NEDD4L: variants seen among roughly 807,000 people sequenced by gnomAD.
NEDD4L encodes E3 ubiquitin-protein ligase NEDD4-like.
Under a neutral mutation model 148.9 loss-of-function variants are expected in NEDD4L, and 54 were observed. The observed-to-expected ratio is 0.36, with a 90% CI of 0.29 to 0.45. The LOEUF (loss-of-function observed/expected upper bound fraction) is 0.45, where lower values mean the gene tolerates loss of function less well. Among genes scored for constraint, NEDD4L ranks in the 20% least tolerant of loss-of-function variants. NEDD4L has a pLI of 1.00. For missense variants in NEDD4L, 856 were observed against 1,233.8 expected, an observed-to-expected ratio of 0.69 and a Z score of 4.59; for synonymous variants, 433 against 440.7, an observed-to-expected ratio of 0.98 and a Z score of 0.22.
intron 2 of NEDD4L, among the ~76,000 whole-genome samples, chr18:58,199,131 TACTC>T (rs2041098132): frequency 6.6e-6 from 1 of 152,362 alleles, no homozygotes; most frequent in African/African-American, 2.4e-5. Context: ...CTAAGACAAA[TACTC>T]ATTTATATAG....
chr18:58,050,716 G>A (rs188862489), intron 1 of NEDD4L, among the ~76,000 whole-genome samples: 15 of 152,122 alleles, frequency 9.9e-5, no homozygotes, highest in East Asian at 1.9e-4. Context: ...AGACAAGTTC[G>A]GGCCATTGTG....
At chr18:58,354,083 T>C (rs1199899126) in intron 18 of NEDD4L, among the ~76,000 whole-genome samples, 1 of 152,236 alleles carries the variant, frequency 6.6e-6, no homozygotes, top group African/African-American at 2.4e-5. Context: ...CTCTTTAGAC[T>C]CCTCGATTCC....
intron 1 of NEDD4L, among the ~76,000 whole-genome samples, chr18:58,058,588 A>G (rs5005280): frequency 0.81 from 122,998 of 152,206 alleles, 50,268 homozygotes; most frequent in East Asian, 1. Flanking sequence ...CAACAGAGAA[A>G]GAATTAACTG....
At chr18:58,374,113 G>A (rs1864920) in intron 24 of NEDD4L, among the ~76,000 whole-genome samples, 6,563 of 152,216 alleles carry the variant, frequency 0.043, 463 homozygotes, top group African/African-American at 0.15. Flanking sequence ...TGAAATAGAC[G>A]TGTTCTTTAT....
At chr18:58,057,777 G>T (rs2082154432) in intron 1 of NEDD4L, among the ~76,000 whole-genome samples, 1 of 152,174 alleles carries the variant, frequency 6.6e-6, no homozygotes. Context: ...GGTCTTAACA[G>T]TAAGTCCCAC....
At chr18:58,305,031 G>A (rs2056910607) in intron 5 of NEDD4L, among the ~76,000 whole-genome samples, 1 of 152,168 alleles carries the variant, frequency 6.6e-6, no homozygotes, top group African/African-American at 2.4e-5. Context: ...GAGGGCTAGG[G>A]TTCCAAACAG....
At chr18:58,168,301 G>T (rs1175794282) in intron 2 of NEDD4L, among the ~76,000 whole-genome samples, 1 of 152,184 alleles carries the variant, frequency 6.6e-6, no homozygotes, top group African/African-American at 2.4e-5. Flanking sequence ...CAAGTGTGAG[G>T]TGGCAGTGTG....
At chr18:58,254,896 C>G (rs1251142166) in intron 5 of NEDD4L, among the ~76,000 whole-genome samples, 1 of 152,184 alleles carries the variant, frequency 6.6e-6, no homozygotes, top group Non-Finnish European at 1.5e-5. Flanking sequence ...TAGCATTAAA[C>G]GGACACTAAC....
At chr18:58,294,381 ACT>A (rs1316428038) in intron 5 of NEDD4L, among the ~76,000 whole-genome samples, 2 of 151,946 alleles carry the variant, frequency 1.3e-5, no homozygotes, top group Non-Finnish European at 2.9e-5. Flanking sequence ...TGATGGGGAG[ACT>A]CTCACTGAAT....
At chr18:58,279,251 C>CAGTCT (rs1469206175) in intron 5 of NEDD4L, among the ~76,000 whole-genome samples, 4 of 152,108 alleles carry the variant, frequency 2.6e-5, no homozygotes, top group Non-Finnish European at 4.4e-5. Flanking sequence ...ACAGAGCTTC[C>CAGTCT]AGTCTAGTGA....
At chr18:58,326,560 G>C (rs2059329317) in intron 9 of NEDD4L, among the ~76,000 whole-genome samples, 1 of 152,166 alleles carries the variant, frequency 6.6e-6, no homozygotes, top group South Asian at 2.1e-4. Context: ...CCTTGGGCTT[G>C]GTTACATGTA....
chr18:58,258,249 G>A (rs2048863832), intron 5 of NEDD4L, among the ~76,000 whole-genome samples: 1 of 152,108 alleles, frequency 6.6e-6, no homozygotes. Context: ...TGATATTATA[G>A]TAGCCTTTAA....
rs558549410 is a variant in NEDD4L, at chr18:58,071,564, A to G, written c.48+26856A>G. ...TGAACAAAGCCTTAGAGACCTGTGT[A>G]ACATCATCAACCATACCCATAATGG... On this transcript the variant is annotated intron_variant, in intron 1 of 30. Transcript: ENST00000400345. Among the ~76,000 whole-genome samples, 8 of 152,334 alleles carry G rather than the reference A, an allele frequency of 5.3e-5. No homozygotes were observed. In the East Asian group the frequency reaches 1.5e-3, roughly 29 times the overall value.
rs2044124790 is a variant in NEDD4L, at chr18:58,224,426, T to C, written c.123-21001T>C. 2.0e-5 allele frequency among the ~76,000 whole-genome samples: 3 copies of C among 152,164 alleles called. No homozygotes were observed. The South Asian group carries it at 6.2e-4, about 32-fold the overall frequency. On this transcript the variant is annotated intron_variant, in intron 2 of 30. Transcript: ENST00000400345. ...ATCTGCCATGCTGAGTTGACAGGCT[T>C]GACACTGGAAGGAAGTCTCTAACTT... is the stretch of plus-strand genomic sequence containing the variant.
At chr18:58,367,473 G>A (rs541586394) in intron 21 of NEDD4L, among the ~76,000 whole-genome samples, 1 of 152,290 alleles carries the variant, frequency 6.6e-6, no homozygotes, top group South Asian at 2.1e-4. Context: ...ATATTTGGCT[G>A]AACCATATGA....
intron 24 of NEDD4L, among the ~76,000 whole-genome samples, chr18:58,378,136 C>G (rs1377672006): frequency 1.3e-5 from 2 of 152,226 alleles, no homozygotes; most frequent in African/African-American, 2.4e-5. Context: ...TAGGAAGGTT[C>G]TTTAGGATCG....
intron 2 of NEDD4L, among the ~76,000 whole-genome samples, chr18:58,213,615 C>G (rs757234935): frequency 5.9e-5 from 9 of 152,100 alleles, no homozygotes; most frequent in Non-Finnish European, 1.2e-4. Context: ...AGTGGGGTGG[C>G]AGGGATTTCC....
At chr18:58,143,319 C>T (rs1194765607) in intron 1 of NEDD4L, among the ~76,000 whole-genome samples, 5 of 152,178 alleles carry the variant, frequency 3.3e-5, no homozygotes, top group African/African-American at 1.2e-4. Context: ...TTGGAATCCA[C>T]CTCATTAGAC....
chr18:58,235,911 T>TA lies in NEDD4L; in HGVS notation c.123-9515dup, dbSNP rs201480413. ...AGCCGGGTGTGGTGGCTCACATCTG[T>TA]AGTCCCAGCTACTTGGGAGGCTGAG... On this transcript the variant is annotated intron_variant, in intron 2 of 30. Transcript: ENST00000400345. 6.9e-3 allele frequency among the ~76,000 whole-genome samples: 1,050 copies of TA among 152,282 alleles called. 16 individuals carry two copies. Among genetic ancestry groups the TA allele is most frequent in the African/African-American group, 0.024 (984 of 41,542 alleles).
Sources: allele counts gnomAD v4.1 joint callset (sites outside exome capture counted in the v4.1 genomes callset), GRCh38; gene constraint gnomAD v4.1.1; transcripts MANE v1.5; gene names NCBI Gene and HGNC (gene_info 2026-07-23, HGNC 2026-07-21).